Variants in KCNIP1 observed in about 807,000 individuals in gnomAD.
KCNIP1 encodes the protein potassium voltage-gated channel interacting protein 1.
Under a neutral mutation model 33.0 loss-of-function variants are expected in KCNIP1, and 18 were observed. The ratio of observed to expected loss-of-function variants is 0.55; its 90% CI spans 0.38 to 0.81. The LOEUF is 0.81. Among genes scored for constraint, KCNIP1 ranks in the 30% least tolerant of loss-of-function variants. The pLI, the probability that KCNIP1 is intolerant of heterozygous loss-of-function variation, is 0.00. For missense variants in KCNIP1, 238 were observed against 271.6 expected (o/e 0.88, Z 0.87); for synonymous variants, 93 against 98.3 (o/e 0.95, Z 0.32).
In KCNIP1 at chr5:170,597,784, AATAT is replaced by A. The variant is rs10525595; in HGVS notation, c.61+93194_61+93197del. On this transcript the variant is annotated intron_variant, in intron 1 of 7. Coordinates refer to ENST00000328939, the MANE Select transcript of KCNIP1 (RefSeq NM_014592.4). ...ACTTCTGATGCTGGAGAGAGAGATA[AATAT>A]ATATATATATATATATATATATATA... Among the ~76,000 whole-genome samples, 77 of 134,436 alleles carry A rather than the reference AATAT, an allele frequency of 5.7e-4. 1 individual carries two copies. Among genetic ancestry groups the A allele is most frequent in the East Asian group, 4.4e-3 (21 of 4,810 alleles). The allele number at this position is 134,436 out of a possible 152,430, so 88.2% of individuals were successfully genotyped here.
At chr5:170,446,329 G>A (rs1035956372) in intron 1 of KCNIP1, among the ~76,000 whole-genome samples, 8 of 151,976 alleles carry the variant, frequency 5.3e-5, no homozygotes, top group African/African-American at 1.9e-4. Flanking sequence ...CTATGTGAAC[G>A]TGGGCAAATT....
chr5:170,707,507 A>G (rs1167377376), intron 1 of KCNIP1, among the ~76,000 whole-genome samples: 1 of 152,226 alleles, frequency 6.6e-6, no homozygotes, highest in Admixed American at 6.5e-5. Context: ...CAGAATTATG[A>G]CTTACGTCAC....
intron 5 of KCNIP1, among the ~76,000 whole-genome samples, chr5:170,731,620 G>A (rs574946349): frequency 2.1e-3 from 319 of 151,716 alleles, no homozygotes; most frequent in Middle Eastern, 3.4e-3. Context: ...ACTTGAACCC[G>A]GGAGGTCGAG....
chr5:170,376,560 C>G (rs975393286), intron 1 of KCNIP1: 7 of 152,120 alleles, frequency 4.6e-5, no homozygotes, highest in African/African-American at 1.7e-4. Flanking sequence ...TTGTTCCCCT[C>G]TTTGTGTCCA....
intron 1 of KCNIP1, among the ~76,000 whole-genome samples, chr5:170,424,220 G>A (rs567800080): frequency 2.0e-5 from 3 of 152,192 alleles, no homozygotes; most frequent in Non-Finnish European, 4.4e-5. Context: ...GAGGGATGAG[G>A]AATGAAGAGC....
rs902476735 is a variant in KCNIP1 at position 170,474,920 on chromosome 5, G to A, written c.88+120956G>A. 5.3e-5 allele frequency among the ~76,000 whole-genome samples: 8 copies of A among 152,228 alleles called. No homozygotes were observed. In the South Asian group the frequency reaches 6.2e-4, roughly 12 times the overall value. ...TAGAAGGGGACCCCACTGGGTTGCC[G>A]CCGCTGGTCAGGGTAGCCAGCTTTT... is the stretch of plus-strand genomic sequence containing the variant. On this transcript the variant is annotated intron_variant, in intron 1 of 7. Coordinates refer to the KCNIP1 transcript ENST00000377360.
At chr5:170,725,480 G>A (rs1314095652) in intron 5 of KCNIP1, among the ~76,000 whole-genome samples, 1 of 152,084 alleles carries the variant, frequency 6.6e-6, no homozygotes, top group East Asian at 1.9e-4. Flanking sequence ...AAAACAATAT[G>A]AAGATAGAGG....
At position 170,736,145 on chromosome 5, in the gene KCNIP1, C is replaced by T. The variant is rs1030725729; in HGVS notation, c.*339C>T. 10 of 230,154 alleles carry T rather than the reference C, an allele frequency of 4.3e-5. No individual in the cohort carries two copies. Among genetic ancestry groups the T allele is most frequent in the African/African-American group, 1.8e-4 (8 of 44,630 alleles). The allele number at this position is 230,154 out of a possible 1,614,324, so 14.3% of individuals were successfully genotyped here. A position where few individuals can be genotyped will look rare whatever the true frequency, so the allele number is the denominator to read the frequency against. ...ACAAAATATGCTGCTTACGTGCCCC[C>T]AGCCCACTGCCTCCAAGTCAGGCAG... On this transcript the variant is annotated 3_prime_UTR_variant, in exon 8 of 8. Transcript: ENST00000328939.
At chr5:170,663,691 G>C (rs1320258887) in intron 1 of KCNIP1, among the ~76,000 whole-genome samples, 2 of 152,048 alleles carry the variant, frequency 1.3e-5, no homozygotes, top group Non-Finnish European at 2.9e-5. Context: ...AGGCCTGGGA[G>C]TCACCCTTGA....
At chr5:170,491,084 A>G (rs930490432) in intron 1 of KCNIP1, among the ~76,000 whole-genome samples, 1 of 152,168 alleles carries the variant, frequency 6.6e-6, no homozygotes, top group African/African-American at 2.4e-5. Context: ...GAGTCCTGCT[A>G]TCATCAGACA....
intron 1 of KCNIP1, among the ~76,000 whole-genome samples, chr5:170,567,810 C>T (rs1423961933): frequency 7.9e-5 from 12 of 152,198 alleles, no homozygotes; most frequent in Non-Finnish European, 1.3e-4. Context: ...CTCTTGGCCC[C>T]CACAGTCAGG....
intron 1 of KCNIP1, chr5:170,483,325 C>T (rs1257219643): frequency 8.6e-6 from 2 of 231,296 alleles, no homozygotes; most frequent in African/African-American, 4.7e-5. Flanking sequence ...CCTGCACTCT[C>T]TAGTGACCAT....
chr5:170,636,341 G>A (rs879657557), intron 1 of KCNIP1, among the ~76,000 whole-genome samples: 1 of 152,128 alleles, frequency 6.6e-6, no homozygotes, highest in Non-Finnish European at 1.5e-5. Flanking sequence ...AAGGCACACA[G>A]GGACAGTGGA....
At chr5:170,539,701 CTG>C (rs1756125200) in intron 1 of KCNIP1, among the ~76,000 whole-genome samples, 1 of 152,182 alleles carries the variant, frequency 6.6e-6, no homozygotes, top group African/African-American at 2.4e-5. Context: ...GGGACCTGGC[CTG>C]CCTGTTCACC....
intron 1 of KCNIP1, among the ~76,000 whole-genome samples, chr5:170,546,437 G>C (rs1388453876): frequency 6.6e-6 from 1 of 152,110 alleles, no homozygotes; most frequent in Admixed American, 6.5e-5. Flanking sequence ...TATATTTCAG[G>C]CTTCTCTTGT....
At chr5:170,387,075 C>T (rs1429775617) in intron 1 of KCNIP1, among the ~76,000 whole-genome samples, 1 of 152,100 alleles carries the variant, frequency 6.6e-6, no homozygotes, top group Non-Finnish European at 1.5e-5. Flanking sequence ...GTCCTAGAGC[C>T]TCTGGTAAAT....
At chr5:170,652,684 AG>A (rs769255657) in intron 1 of KCNIP1, among the ~76,000 whole-genome samples, 6 of 152,302 alleles carry the variant, frequency 3.9e-5, no homozygotes, top group South Asian at 4.2e-4. Context: ...TGCTTGCCCA[AG>A]TGATGTTCCA....
intron 1 of KCNIP1, among the ~76,000 whole-genome samples, chr5:170,577,419 T>C (rs550879518): frequency 6.6e-6 from 1 of 152,362 alleles, no homozygotes; most frequent in South Asian, 2.1e-4. Flanking sequence ...TTCTGTTGCC[T>C]GGATACATTG....
chr5:170,726,565 A>C (rs925029915), intron 5 of KCNIP1, among the ~76,000 whole-genome samples: 3 of 152,118 alleles, frequency 2.0e-5, no homozygotes, highest in African/African-American at 7.2e-5. Context: ...ACATTTTGGC[A>C]TCTTTGATAA....
Sources: allele counts gnomAD v4.1 joint callset (sites outside exome capture counted in the v4.1 genomes callset), GRCh38; gene constraint gnomAD v4.1.1; transcripts MANE v1.5; gene names NCBI Gene and HGNC (gene_info 2026-07-23, HGNC 2026-07-21).